The following TENM4 variants were observed in gnomAD, a reference collection of about 807,000 sequenced individuals.
TENM4 encodes teneurin-4.
In TENM4, 82 loss-of-function variants were observed where a neutral mutation model predicts 243.3. The observed-to-expected ratio is 0.34, with a 90% CI of 0.28 to 0.40. TENM4 has a LOEUF of 0.40. Ranked by LOEUF, TENM4 falls within the 10% of genes least tolerant of loss-of-function variation. TENM4 has a pLI of 1.00. For missense variants in TENM4, 3,138 were observed against 3,673.3 expected (o/e 0.85, Z 3.77); for synonymous variants, 1,412 against 1,456.3 (o/e 0.97, Z 0.69).
intron 6 of TENM4, among the ~76,000 whole-genome samples, chr11:79,021,203 C>T (rs1284617062): frequency 6.6e-6 from 1 of 152,220 alleles, no homozygotes; most frequent in East Asian, 1.9e-4. Flanking sequence ...TTGAGGGTTT[C>T]TAAGTCTCTT....
At chr11:78,932,387 G>T in intron 6 of TENM4, among the ~76,000 whole-genome samples, 1 of 152,172 alleles carries the variant, frequency 6.6e-6, no homozygotes, top group East Asian at 1.9e-4. Context: ...TGATGCTGTG[G>T]CCTCCGATTT....
At chr11:78,662,483 C>T (rs559445619) in intron 32 of TENM4, among the ~76,000 whole-genome samples, 5 of 152,130 alleles carry the variant, frequency 3.3e-5, no homozygotes, top group Non-Finnish European at 5.9e-5. Context: ...CCACCGTGCC[C>T]GGCCACCTTC....
intron 1 of TENM4, among the ~76,000 whole-genome samples, chr11:79,430,141 G>A (rs1408933186): frequency 2.0e-5 from 3 of 151,314 alleles, no homozygotes; most frequent in Admixed American, 1.3e-4. Flanking sequence ...TAGCAGCGTT[G>A]GGCTACTTTT....
At chr11:78,950,091 T>C (rs1218230697) in intron 6 of TENM4, among the ~76,000 whole-genome samples, 1 of 152,032 alleles carries the variant, frequency 6.6e-6, no homozygotes, top group Non-Finnish European at 1.5e-5. Flanking sequence ...ACTGAGTGAT[T>C]TGATGACCTG....
intron 28 of TENM4, among the ~76,000 whole-genome samples, chr11:78,696,038 T>C (rs748716895): frequency 5.9e-5 from 9 of 152,110 alleles, no homozygotes; most frequent in Non-Finnish European, 1.2e-4. Flanking sequence ...CTATTGGATG[T>C]TGTCCCACAG....
intron 1 of TENM4, among the ~76,000 whole-genome samples, chr11:79,435,156 G>A (rs899753877): frequency 2.4e-4 from 36 of 152,034 alleles, no homozygotes; most frequent in African/African-American, 7.0e-4. Context: ...GGAACATTTT[G>A]GCTTTGCTTT....
intron 7 of TENM4, among the ~76,000 whole-genome samples, chr11:78,899,610 G>A (rs1565430119): frequency 1.3e-5 from 2 of 149,358 alleles, no homozygotes; most frequent in African/African-American, 4.9e-5. Flanking sequence ...CCCAATGTTA[G>A]AGGTGGGGCC....
intron 5 of TENM4, among the ~76,000 whole-genome samples, chr11:79,067,614 ACTAGGATGTCTTAGGAACTTAACTC>A (rs11268006): frequency 0.9 from 137,337 of 152,070 alleles, 62,418 homozygotes; most frequent in Middle Eastern, 0.99. Flanking sequence ...ACATCTCGGG[ACTAGGATGTCTTAGGAACTTAACTC>A]CTAGGAAAAT....
intron 4 of TENM4, among the ~76,000 whole-genome samples, chr11:79,120,787 C>T (rs993555930): frequency 3.9e-5 from 6 of 152,174 alleles, no homozygotes; most frequent in Non-Finnish European, 7.3e-5. Flanking sequence ...ATGATCACAA[C>T]CAAAACCACT....
In TENM4 at chr11:78,903,346, G is replaced by A; in HGVS notation, c.671C>T (p.Pro224Leu). 2.0e-6 allele frequency: 3 copies of A among 1,482,348 alleles called. No homozygotes were observed. 91.8% of individuals were successfully genotyped at this position (1,482,348 alleles called of 1,614,324 possible). A position where few individuals can be genotyped will look rare whatever the true frequency, so the allele number is the denominator to read the frequency against. ...AGGCTCCTGGGCGCCGCCGGCAGGG[G>A]GCTCTCCGGAGAGCGAGTGGTCCGT... is the stretch of plus-strand genomic sequence containing the variant. ...APTDHSLSGE[P>L]PAGGAQEPAH... The change falls in exon 7 of 34, where the codon CCC becomes CTC. Residue 224 changes from proline (P) to leucine (L), a missense_variant. This residue lies in a region of TENM4 where 671 missense variants were observed against 614.1 expected (regional missense o/e 1.09). Transcript: ENST00000278550.
At chr11:79,358,980 T>A (rs1016218853) in intron 1 of TENM4, among the ~76,000 whole-genome samples, 2 of 150,256 alleles carry the variant, frequency 1.3e-5, no homozygotes, top group East Asian at 3.9e-4. Context: ...TAAGAATAAA[T>A]CTATGGCTAG....
chr11:78,806,034 A>G (rs1267370246), intron 14 of TENM4, among the ~76,000 whole-genome samples: 1 of 152,082 alleles, frequency 6.6e-6, no homozygotes, highest in Non-Finnish European at 1.5e-5. Flanking sequence ...TCACACCTGT[A>G]ATCCCAGCAC....
intron 6 of TENM4, among the ~76,000 whole-genome samples, chr11:79,042,065 G>A (rs1162963634): frequency 5.3e-5 from 8 of 152,154 alleles, no homozygotes; most frequent in Non-Finnish European, 1.0e-4. Flanking sequence ...CAATAGATGC[G>A]TAACTTAAAA....
intron 16 of TENM4, among the ~76,000 whole-genome samples, chr11:78,783,900 G>T (rs898426130): frequency 7.9e-5 from 12 of 152,176 alleles, no homozygotes; most frequent in African/African-American, 2.4e-4. Context: ...TAACGCTGGG[G>T]ACTTGGCCAT....
chr11:79,227,384 A>G lies in TENM4; in HGVS notation c.-264-11475T>C, dbSNP rs954719478. Among the ~76,000 whole-genome samples, 8 of 152,240 alleles carry G rather than the reference A, an allele frequency of 5.3e-5. No individual in the cohort carries two copies. The East Asian group carries it at 9.6e-4, about 18-fold the overall frequency. Reference sequence around the variant, plus strand: ...CAGTTCTTTACATTAAATTCTCTCAATGGAAAGGTCGAGAGGGGTTTCTTT... The same window carrying G: ...CAGTTCTTTACATTAAATTCTCTCAGTGGAAAGGTCGAGAGGGGTTTCTTT... On this transcript the variant is annotated intron_variant, in intron 2 of 33. Transcript: ENST00000278550.
intron 6 of TENM4, among the ~76,000 whole-genome samples, chr11:79,003,550 A>G (rs1358255615): frequency 6.6e-6 from 1 of 152,202 alleles, no homozygotes; most frequent in Non-Finnish European, 1.5e-5. Context: ...CAGCCAAACT[A>G]AGCTTCATAA....
intron 1 of TENM4, among the ~76,000 whole-genome samples, chr11:79,325,696 T>C (rs1439409031): frequency 6.6e-6 from 1 of 152,252 alleles, no homozygotes; most frequent in African/African-American, 2.4e-5. Flanking sequence ...TACCCAGTAC[T>C]CTACCCAGGC....
chr11:78,878,922 C>A (rs903854660), intron 9 of TENM4, among the ~76,000 whole-genome samples: 2 of 152,226 alleles, frequency 1.3e-5, no homozygotes, highest in African/African-American at 4.8e-5. Context: ...AGTAATAGCA[C>A]AAATATAATG....
intron 10 of TENM4, 24 bp from the exon 11 acceptor site, chr11:78,856,202 G>C: frequency 2.6e-6 from 4 of 1,546,420 alleles, no homozygotes; most frequent in South Asian, 1.2e-5. Context: ...GGGAAGGGAA[G>C]ACAAAGACAT....
Sources: allele counts gnomAD v4.1 joint callset (sites outside exome capture counted in the v4.1 genomes callset), GRCh38; gene constraint gnomAD v4.1.1; regional missense constraint gnomAD v4.1.1; transcripts MANE v1.5; gene names NCBI Gene and HGNC (gene_info 2026-07-23, HGNC 2026-07-21).